KCNH5: variants seen among roughly 807,000 people sequenced by gnomAD.
The protein encoded by KCNH5 is voltage-gated delayed rectifier potassium channel KCNH5.
KCNH5 carries 46 observed loss-of-function variants against 96.1 expected under a neutral mutation model. The ratio of observed to expected loss-of-function variants is 0.48; its 90% CI spans 0.38 to 0.61. The LOEUF is 0.61. Ranked by LOEUF, KCNH5 falls within the 20% of genes least tolerant of loss-of-function variation. The pLI is 0.00. For missense variants in KCNH5, 907 were observed against 1,225.8 expected (o/e 0.74, Z 3.88); for synonymous variants, 439 against 449.8 (o/e 0.98, Z 0.30).
At chr14:63,038,947 G>C (rs908030135) in intron 1 of KCNH5, among the ~76,000 whole-genome samples, 1 of 151,976 alleles carries the variant, frequency 6.6e-6, no homozygotes, top group African/African-American at 2.4e-5. Flanking sequence ...AAAGGAATTT[G>C]TTTCATAAAT....
intron 8 of KCNH5, among the ~76,000 whole-genome samples, chr14:62,832,311 CTA>C (rs1240516217): frequency 7.6e-6 from 1 of 131,820 alleles, no homozygotes; most frequent in African/African-American, 3.0e-5. Context: ...TCCTCTGTTT[CTA>C]TGTGTTTGAC....
chr14:62,905,341 C>G (rs1045486439), intron 7 of KCNH5, among the ~76,000 whole-genome samples: 6 of 152,180 alleles, frequency 3.9e-5, no homozygotes, highest in African/African-American at 1.4e-4. Context: ...GGCACAGAAA[C>G]TGAGGCTATG....
At chr14:62,798,523 C>G (rs1191730376) in intron 9 of KCNH5, among the ~76,000 whole-genome samples, 1 of 152,092 alleles carries the variant, frequency 6.6e-6, no homozygotes, top group African/African-American at 2.4e-5. Flanking sequence ...GCATCACGAA[C>G]TTAATTTGGA....
chr14:62,966,524 T>A (rs1182507221), intron 6 of KCNH5, among the ~76,000 whole-genome samples: 1 of 152,204 alleles, frequency 6.6e-6, no homozygotes, highest in Non-Finnish European at 1.5e-5. Context: ...TCACCACTAC[T>A]CTCACTCATT....
intron 6 of KCNH5, among the ~76,000 whole-genome samples, chr14:62,965,238 A>G (rs1890284334): frequency 1.3e-5 from 2 of 152,136 alleles, no homozygotes; most frequent in African/African-American, 4.8e-5. Flanking sequence ...TTGATCCCCA[A>G]TGTGGTAGTG....
chr14:62,775,995 G>A (rs1261022962), intron 10 of KCNH5, among the ~76,000 whole-genome samples: 7 of 151,948 alleles, frequency 4.6e-5, no homozygotes, highest in East Asian at 3.9e-4. Flanking sequence ...TGGGGCCAGC[G>A]CGGTGGCTCA....
Position 62,979,298 on chromosome 14 carries a change from A to T in KCNH5, c.942+1574T>A, listed in dbSNP as rs531449394. Among the ~76,000 whole-genome samples, 4 of 152,296 alleles carry T rather than the reference A, an allele frequency of 2.6e-5. No individual in the cohort carries two copies. The East Asian group carries it at 5.8e-4, about 22-fold the overall frequency. On this transcript the variant is annotated intron_variant, in intron 6 of 10. Coordinates refer to ENST00000322893, the MANE Select transcript of KCNH5 (RefSeq NM_139318.5). ...ACTTCAGAAGATAAATTTGAAAAAA[A>T]AAATCTTTAAAAGCTTGATGTAGGT...
intron 10 of KCNH5, among the ~76,000 whole-genome samples, chr14:62,718,651 C>G (rs1884738594): frequency 6.6e-6 from 1 of 152,138 alleles, no homozygotes; most frequent in African/African-American, 2.4e-5. Flanking sequence ...AACAGCTTGG[C>G]AGTGTCTCAA....
At chr14:62,794,297 A>G (rs541519201) in intron 9 of KCNH5, among the ~76,000 whole-genome samples, 2 of 152,198 alleles carry the variant, frequency 1.3e-5, no homozygotes, top group South Asian at 4.1e-4. Context: ...TAAAGGTAAT[A>G]TAGGTACTCT....
intron 7 of KCNH5, among the ~76,000 whole-genome samples, chr14:62,876,473 A>C (rs1422770665): frequency 6.6e-6 from 1 of 152,252 alleles, no homozygotes. Flanking sequence ...ATCAAAAGCA[A>C]TATGAACAAT....
intron 6 of KCNH5, among the ~76,000 whole-genome samples, chr14:62,963,862 T>C (rs112403718): frequency 2.6e-5 from 4 of 152,102 alleles, no homozygotes; most frequent in African/African-American, 9.6e-5. Context: ...GTCACATTAG[T>C]GGTGGGAAAC....
intron 7 of KCNH5, among the ~76,000 whole-genome samples, chr14:62,938,166 G>A (rs544969588): frequency 6.6e-6 from 1 of 152,262 alleles, no homozygotes; most frequent in South Asian, 2.1e-4. Context: ...GTGGGGGGGT[G>A]TTGTTAAAAA....
chr14:62,755,445 C>T (rs1885601175), intron 10 of KCNH5, among the ~76,000 whole-genome samples: 1 of 152,128 alleles, frequency 6.6e-6, no homozygotes, highest in South Asian at 2.1e-4. Context: ...ACTAAAAAGT[C>T]TCCCAGCAAA....
chr14:62,859,089 G>A (rs892577408), intron 7 of KCNH5, among the ~76,000 whole-genome samples: 3 of 152,178 alleles, frequency 2.0e-5, no homozygotes, highest in African/African-American at 7.2e-5. Context: ...CAGAAGCACT[G>A]CATGCAGGAT....
rs1228068849 is a variant in KCNH5 at position 63,016,707 on chromosome 14, T to C, written c.197+124A>G. The C allele has an allele frequency of 2.1e-5, 19 of 897,064 alleles. 1 individual carries two copies. Among genetic ancestry groups the C allele is most frequent in the Admixed American group, 3.2e-5 (1 of 31,664 alleles). The allele number at this position is 897,064 out of a possible 1,614,324, so 55.6% of individuals were successfully genotyped here. On this transcript the variant is annotated intron_variant, in intron 2 of 10. Transcript: ENST00000322893. ...TCCATTGATAATTTAGTCTCCCTAA[T>C]ATTCTAACATAATTTTTAACTCTAT...
At chr14:62,890,226 C>G (rs992922641) in intron 7 of KCNH5, among the ~76,000 whole-genome samples, 1 of 152,084 alleles carries the variant, frequency 6.6e-6, no homozygotes, top group Non-Finnish European at 1.5e-5. Flanking sequence ...CAAAAATTGA[C>G]AAATGGGATC....
At chr14:62,880,518 G>T (rs1362639899) in intron 7 of KCNH5, among the ~76,000 whole-genome samples, 1 of 152,192 alleles carries the variant, frequency 6.6e-6, no homozygotes, top group East Asian at 1.9e-4. Flanking sequence ...ACTGGATATT[G>T]TGGCACTCAG....
intron 7 of KCNH5, among the ~76,000 whole-genome samples, chr14:62,915,236 T>C (rs1889251192): frequency 6.6e-6 from 1 of 152,244 alleles, no homozygotes; most frequent in Non-Finnish European, 1.5e-5. Context: ...ATAAACTCAC[T>C]ATTTAAATTT....
In KCNH5 at chr14:63,035,977, C is replaced by T. The variant is rs77862292; in HGVS notation, c.73+9137G>A. On this transcript the variant is annotated intron_variant, in intron 1 of 10. Transcript: ENST00000322893. ...GTCTGTGTTGTCAAGAACTCAACAC[C>T]TTTGCTCTTTCCATCCCAGCACTGT... Among the ~76,000 whole-genome samples, 605 of 152,270 alleles carry T rather than the reference C, an allele frequency of 4.0e-3. 16 individuals carry two copies. In the East Asian group the frequency reaches 0.073, roughly 18 times the overall value.
Sources: gnomAD v4.1 joint callset for allele counts (sites outside exome capture counted in the v4.1 genomes callset) on GRCh38, gnomAD v4.1.1 for gene constraint, MANE v1.5 for transcripts, NCBI Gene and HGNC (gene_info 2026-07-23, HGNC 2026-07-21) for gene names.